The following FANCM variants were observed in gnomAD, a reference collection of about 807,000 sequenced individuals.
FANCM encodes Fanconi anemia group M protein.
Under a neutral mutation model 199.5 loss-of-function variants are expected in FANCM, and 140 were observed. That is an observed-to-expected ratio of 0.70 (90% confidence interval 0.61 to 0.81). FANCM has a LOEUF of 0.81. FANCM is among the 30% of genes least tolerant of loss of function. The pLI, the probability that FANCM is intolerant of heterozygous loss-of-function variation, is 0.00. For missense variants in FANCM, 2,410 were observed against 2,421.4 expected (o/e 1.00, Z 0.10); for synonymous variants, 840 against 836.8 (o/e 1.00, Z -0.07).
At chr14:45,170,037 G>A (rs906796288) in intron 11 of FANCM, among the ~76,000 whole-genome samples, 1 of 152,036 alleles carries the variant, frequency 6.6e-6, no homozygotes, top group Non-Finnish European at 1.5e-5. Context: ...CATAATACCA[G>A]TTTTTCATTT....
Position 45,151,410 on chromosome 14 carries a change from T to G in FANCM, c.932T>G (p.Phe311Cys), listed in dbSNP as rs1168799478. ...QKTYIQILES[F>C]ARSLIQRNVL... is the part of the protein sequence containing the mutation. Reference sequence around the variant, plus strand: ...TTAAATTTGCAGATTTTGGAATCATTTGCTCGTTCTTTGATTCAGAGGAAT... The same window carrying G: ...TTAAATTTGCAGATTTTGGAATCATGTGCTCGTTCTTTGATTCAGAGGAAT... Residue 311 changes from phenylalanine to cysteine, a missense_variant, in exon 5 of 23, where the codon TTT becomes TGT. Coordinates refer to ENST00000267430, the MANE Select transcript of FANCM (RefSeq NM_020937.4). The G allele has an allele frequency of 6.2e-7, 1 of 1,613,666 alleles. No homozygotes were observed. Among genetic ancestry groups the G allele is most frequent in the Non-Finnish European group, 8.5e-7 (1 of 1,179,846 alleles).
intron 16 of FANCM, 30 bp downstream of exon 16, chr14:45,181,735 T>C (rs367554990): frequency 1.4e-5 from 19 of 1,400,706 alleles, no homozygotes; most frequent in Non-Finnish European, 1.8e-5. Flanking sequence ...TGTATAGTAA[T>C]CCAAATTCCT....
intron 9 of FANCM, among the ~76,000 whole-genome samples, chr14:45,161,253 A>G (rs1401435509): frequency 6.6e-6 from 1 of 152,126 alleles, no homozygotes; most frequent in Admixed American, 6.5e-5. Flanking sequence ...TTACTCCTAT[A>G]TGTAATTGCT....
At chr14:45,190,720 C>T (rs963627793) in intron 20 of FANCM, among the ~76,000 whole-genome samples, 2 of 151,712 alleles carry the variant, frequency 1.3e-5, no homozygotes, top group African/African-American at 4.8e-5. Flanking sequence ...CAAATTGTCC[C>T]CATTTTTTTT....
intron 21 of FANCM, among the ~76,000 whole-genome samples, chr14:45,197,605 C>T (rs1890135410): frequency 1.3e-5 from 2 of 151,210 alleles, no homozygotes; most frequent in South Asian, 4.2e-4. Flanking sequence ...GCTGGGATTA[C>T]AGGCATGTGC....
At position 45,148,878 on chromosome 14, in the gene FANCM, A is replaced by G. The variant is rs1886619746; in HGVS notation, c.801A>G (p.Ile267Met). Residue 267 changes from isoleucine (I) to methionine (M), a missense_variant, in exon 4 of 23, where the codon ATA (isoleucine) becomes ATG (methionine). By Grantham distance (10) the Ile-to-Met change is conservative. Coordinates refer to ENST00000267430, the MANE Select transcript of FANCM (RefSeq NM_020937.4). ...QVITNLLIGQ[I>M]ELRSEDSPDI... ...TTACTAACCTGCTAATTGGGCAGAT[A>G]GAGCTTCGTTCTGAAGATTCTCCAG... 1 of 1,611,474 alleles carries G rather than the reference A, an allele frequency of 6.2e-7. No individual in the cohort carries two copies. The highest frequency in any genetic ancestry group is 8.5e-7 in the Non-Finnish European group (1 of 1,178,018).
In FANCM at chr14:45,140,646, A is replaced by G; in HGVS notation, c.696A>G (p.Leu232=). Reference sequence around the variant, plus strand: ...TTTTTCTTAAGGTTGTAAGAGAACTAGTCAAATATACAAATCACTTTAGAA... The same window carrying G: ...TTTTTCTTAAGGTTGTAAGAGAACTGGTCAAATATACAAATCACTTTAGAA... The part of the protein sequence containing the change: ...NYAYCQVVRE[L]VKYTNHFRIL... The change falls in exon 3 of 23, where the codon CTA becomes CTG. Residue 232 remains leucine (L), a synonymous_variant. Coordinates refer to ENST00000267430, the MANE Select transcript of FANCM (RefSeq NM_020937.4). 1 of 1,589,732 alleles carries G rather than the reference A, an allele frequency of 6.3e-7. No individual in the cohort carries two copies. Among genetic ancestry groups the G allele is most frequent in the Non-Finnish European group, 8.6e-7 (1 of 1,158,810 alleles).
rs768791297 is a variant in FANCM, at chr14:45,198,698, C to T, written c.5771C>T (p.Thr1924Ile). Residue 1924 changes from threonine to isoleucine, a missense_variant, in exon 22 of 23, where the codon ACC (threonine) becomes ATC (isoleucine). Thr to Ile is a moderately conservative substitution (Grantham distance 89). Coordinates refer to ENST00000267430, the MANE Select transcript of FANCM (RefSeq NM_020937.4). Reference sequence around the variant, plus strand: ...AAGAGCTATGACAGCCTGCTGACTACCTTAATTGGCGCTGGAATCCGAATT... The same window carrying T: ...AAGAGCTATGACAGCCTGCTGACTATCTTAATTGGCGCTGGAATCCGAATT... ...RTKSYDSLLT[T>I]LIGAGIRILF... 4.3e-6 allele frequency: 7 copies of T among 1,613,692 alleles called. No homozygotes were observed. Among genetic ancestry groups the T allele is most frequent in the Non-Finnish European group, 5.1e-6 (6 of 1,179,680 alleles).
rs1887059427 is a variant in FANCM at position 45,154,724 on chromosome 14, G to A, written c.1211G>A (p.Gly404Asp). ...ATGACACGGTCAAAAAATGAACTTG[G>A]CCGAAATGAAGACTTCATGAAACTC... ...KGMTRSKNEL[G>D]RNEDFMKLYN... Residue 404 changes from glycine (G) to aspartate (D), a missense_variant, in exon 7 of 23, where the codon GGC becomes GAC. Coordinates refer to ENST00000267430, the MANE Select transcript of FANCM (RefSeq NM_020937.4). 6.2e-7 allele frequency: 1 copy of A among 1,601,906 alleles called. No individual in the cohort carries two copies. Among genetic ancestry groups the A allele is most frequent in the Non-Finnish European group, 8.5e-7 (1 of 1,172,016 alleles).
intron 14 of FANCM, among the ~76,000 whole-genome samples, chr14:45,178,580 A>G (rs1888859376): frequency 6.6e-6 from 1 of 152,218 alleles, no homozygotes; most frequent in African/African-American, 2.4e-5. Context: ...AAAGCACTGA[A>G]AAAGAAAGCC....
At chr14:45,163,345 T>G (rs1243362096) in intron 9 of FANCM, among the ~76,000 whole-genome samples, 3 of 152,232 alleles carry the variant, frequency 2.0e-5, no homozygotes, top group Non-Finnish European at 2.9e-5. Context: ...CCCTTGCACA[T>G]AGTAGCTATC....
chr14:45,146,386 G>A (rs1176674997), intron 3 of FANCM, among the ~76,000 whole-genome samples: 3 of 152,000 alleles, frequency 2.0e-5, no homozygotes, highest in African/African-American at 7.2e-5. Flanking sequence ...TGTCAAATTT[G>A]ATGTTCTGTG....
At chr14:45,184,498 C>T (rs1325179833) in intron 17 of FANCM, among the ~76,000 whole-genome samples, 1 of 151,818 alleles carries the variant, frequency 6.6e-6, no homozygotes, top group Non-Finnish European at 1.5e-5. Context: ...CCTGTCTCTA[C>T]TAAAAATACA....
chr14:45,155,542 A>T (rs1019178413), intron 8 of FANCM, 83 bp downstream of exon 8: 3 of 753,800 alleles, frequency 4.0e-6, no homozygotes, highest in African/African-American at 1.7e-5. Flanking sequence ...GCAGTGGTTC[A>T]CACCTGTAAT....
intron 14 of FANCM, among the ~76,000 whole-genome samples, chr14:45,179,637 C>A (rs1008377594): frequency 6.8e-6 from 1 of 147,566 alleles, no homozygotes; most frequent in Non-Finnish European, 1.5e-5. Context: ...TCTCGGCTCA[C>A]TGCAACCTCT....
chr14:45,164,127 G>C (rs539603720), intron 9 of FANCM, among the ~76,000 whole-genome samples: 1 of 151,938 alleles, frequency 6.6e-6, no homozygotes, highest in Admixed American at 6.6e-5. Flanking sequence ...TTTATTTTTC[G>C]TAGAGACAGG....
rs751605791 is a variant in FANCM, at chr14:45,173,138, A to G, written c.2244A>G (p.Gln748=). 5.0e-6 allele frequency: 8 copies of G among 1,612,848 alleles called. No individual in the cohort carries two copies. The highest frequency in any genetic ancestry group is 5.9e-6 in the Non-Finnish European group (7 of 1,178,968). The change falls in exon 13 of 23, where the codon CAA becomes CAG. Residue 748 remains glutamine, a synonymous_variant. Coordinates refer to ENST00000267430, the MANE Select transcript of FANCM (RefSeq NM_020937.4). ...AAGATCATCCTTTGCCTACACATCA[A>G]GTTGATCACTCAGATCGATGCCGCC... is the stretch of plus-strand genomic sequence containing the variant. ...LWQDHPLPTH[Q]VDHSDRCRHF...
chr14:45,196,385 G>A lies in FANCM; in HGVS notation c.5554G>A (p.Gly1852Ser), dbSNP rs1326570887. 1 of 1,613,972 alleles carries A rather than the reference G, an allele frequency of 6.2e-7. No individual in the cohort carries two copies. Among genetic ancestry groups the A allele is most frequent in the Non-Finnish European group, 8.5e-7 (1 of 1,180,002 alleles). Residue 1852 changes from glycine (G) to serine (S), a missense_variant, in exon 21 of 23, where the codon GGC (glycine) becomes AGC (serine). Physicochemically the swap from Gly to Ser is moderately conservative, Grantham distance 56. Coordinates refer to ENST00000267430, the MANE Select transcript of FANCM (RefSeq NM_020937.4). Reference protein sequence around the residue: ...GLQVEVCPLNGCDYIVSNRMV... With the variant: ...GLQVEVCPLNSCDYIVSNRMV... ...GCAAGTAGAAGTTTGTCCTCTTAAT[G>A]GCTGTGATTACATCGTGAGTAATCG...
At chr14:45,172,366 A>T (rs1366816384) in intron 12 of FANCM, among the ~76,000 whole-genome samples, 1 of 152,102 alleles carries the variant, frequency 6.6e-6, no homozygotes, top group Non-Finnish European at 1.5e-5. Context: ...AATGTGACAG[A>T]ATTTTTATGG....
Sources: allele counts gnomAD v4.1 joint callset (sites outside exome capture counted in the v4.1 genomes callset), GRCh38; gene constraint gnomAD v4.1.1; transcripts MANE v1.5; gene names NCBI Gene and HGNC (gene_info 2026-07-23, HGNC 2026-07-21).